THSD4: variants seen among roughly 807,000 people sequenced by gnomAD.
THSD4 encodes the protein thrombospondin type 1 domain containing 4.
A neutral mutation model predicts 119.0 loss-of-function variants in THSD4; 69 were observed. The observed-to-expected ratio is 0.58, with a 90% CI of 0.48 to 0.71. The LOEUF (loss-of-function observed/expected upper bound fraction) is 0.71. Ranked by LOEUF, THSD4 falls within the 30% of genes least tolerant of loss-of-function variation. THSD4 has a pLI of 0.00. For synonymous variants in THSD4, 524 were observed against 540.4 expected (o/e 0.97, Z 0.42); for missense variants, 1,393 against 1,391.1 (o/e 1.00, Z -0.02).
At chr15:71,628,319 CCTT>C (rs2140939366) in intron 7 of THSD4, among the ~76,000 whole-genome samples, 1 of 152,288 alleles carries the variant, frequency 6.6e-6, no homozygotes, top group South Asian at 2.1e-4. Context: ...TTACTTGAAA[CCTT>C]CTTAACTGGA....
rs535303933 is a variant in THSD4, at chr15:71,757,391, A to C, written c.2416-511A>C. On this transcript the variant is annotated intron_variant, in intron 14 of 17. Transcript: ENST00000261862. ...CAGGTAGAAATATGCCCAGGTTTTC[A>C]TGCACCCATTCTTCTTCAGCTGAAT... 1.4e-3 allele frequency among the ~76,000 whole-genome samples: 216 copies of C among 151,828 alleles called. 2 individuals are homozygous for C. Among genetic ancestry groups the C allele is most frequent in the African/African-American group, 4.8e-3 (198 of 41,288 alleles).
At chr15:71,723,379 A>G (rs972670392) in intron 8 of THSD4, among the ~76,000 whole-genome samples, 1 of 152,076 alleles carries the variant, frequency 6.6e-6, no homozygotes, top group African/African-American at 2.4e-5. Context: ...TGTGGCTTTG[A>G]TTTTCATTTC....
At chr15:71,193,807 A>G (rs1596261111) in intron 3 of THSD4, among the ~76,000 whole-genome samples, 1 of 152,138 alleles carries the variant, frequency 6.6e-6, no homozygotes, top group Non-Finnish European at 1.5e-5. Context: ...TCCCGGGTTC[A>G]CACCATTCTC....
chr15:71,339,980 G>A (rs1026963078), intron 6 of THSD4, among the ~76,000 whole-genome samples: 4 of 152,138 alleles, frequency 2.6e-5, no homozygotes, highest in African/African-American at 9.7e-5. Context: ...GTCCAGGCTG[G>A]TCTTGAACTC....
intron 7 of THSD4, among the ~76,000 whole-genome samples, chr15:71,482,579 C>CACGCCTGGCCTGTACT: frequency 6.6e-6 from 1 of 151,300 alleles, no homozygotes; most frequent in Middle Eastern, 3.5e-3. Flanking sequence ...CATGAGCCAC[C>CACGCCTGGCCTGTACT]GTGCCCAGCC....
chr15:71,751,758 C>A (rs907187847), intron 14 of THSD4, among the ~76,000 whole-genome samples: 11 of 152,106 alleles, frequency 7.2e-5, no homozygotes, highest in Non-Finnish European at 4.4e-5. Flanking sequence ...GCCTTGACCT[C>A]CTGGGCTCTA....
intron 7 of THSD4, among the ~76,000 whole-genome samples, chr15:71,524,901 C>T (rs1418861551): frequency 6.6e-6 from 1 of 151,176 alleles, no homozygotes; most frequent in Non-Finnish European, 1.5e-5. Context: ...CGTGAGCCAC[C>T]ATGCCCGGCC....
At chr15:71,602,890 A>G (rs2050040948) in intron 7 of THSD4, among the ~76,000 whole-genome samples, 1 of 152,234 alleles carries the variant, frequency 6.6e-6, no homozygotes, top group African/African-American at 2.4e-5. Context: ...TATATCTCAA[A>G]TAAGGAGGGG....
At chr15:71,388,481 G>A (rs914662709) in intron 6 of THSD4, among the ~76,000 whole-genome samples, 5 of 152,092 alleles carry the variant, frequency 3.3e-5, no homozygotes, top group Non-Finnish European at 7.4e-5. Flanking sequence ...TTACTGAAAG[G>A]TCTTCTGTTG....
intron 2 of THSD4, among the ~76,000 whole-genome samples, chr15:71,143,700 C>CTTTTTTTTTTTTTTTTTTTTT (rs546375502): frequency 9.9e-6 from 1 of 100,744 alleles, no homozygotes; most frequent in Non-Finnish European, 2.1e-5. Flanking sequence ...TTTTTTCTTT[C>CTTTTTTTTTTTTTTTTTTTTT]TTTTTTTTTT....
chr15:71,660,667 C>A lies in THSD4; in HGVS notation c.1290C>A (p.Val430=). The change falls in exon 8 of 18, where the codon GTC becomes GTA. Residue 430 remains valine (V), a synonymous_variant. Coordinates refer to ENST00000261862, the MANE Select transcript of THSD4 (RefSeq NM_024817.3). ...HALTSLGYHR[V]VEIPEGATKI... ...TCACCAGCCTGGGCTACCACCGCGT[C>A]GTGGAGATTCCCGAGGGAGCCACGA... 6.2e-7 allele frequency: 1 copy of A among 1,614,122 alleles called. No homozygotes were observed. The highest frequency in any genetic ancestry group is 8.5e-7 in the Non-Finnish European group (1 of 1,180,008).
chr15:71,753,494 G>A (rs2053485701), intron 14 of THSD4, among the ~76,000 whole-genome samples: 1 of 152,206 alleles, frequency 6.6e-6, no homozygotes. Flanking sequence ...GGGGCCAGTT[G>A]GGCCAAGTTT....
chr15:71,112,100 G>C (rs1469190542), upstream of THSD4: 1 of 1,612,698 alleles, frequency 6.2e-7, no homozygotes, highest in Admixed American at 1.7e-5. Context: ...CCAGAAGGTT[G>C]CTCTCAGCAG....
chr15:71,595,555 G>C (rs1328351917), intron 7 of THSD4, among the ~76,000 whole-genome samples: 1 of 152,112 alleles, frequency 6.6e-6, no homozygotes, highest in Non-Finnish European at 1.5e-5. Context: ...TTTGTTCCCA[G>C]TTTCAAATGT....
intron 8 of THSD4, among the ~76,000 whole-genome samples, chr15:71,716,456 C>A (rs528517411): frequency 6.6e-6 from 1 of 152,148 alleles, no homozygotes; most frequent in Non-Finnish European, 1.5e-5. Flanking sequence ...ACAGTGCAAT[C>A]GTGCTGTAGG....
chr15:71,182,291 T>G (rs1247598563), intron 3 of THSD4, among the ~76,000 whole-genome samples: 2 of 151,772 alleles, frequency 1.3e-5, no homozygotes, highest in African/African-American at 4.8e-5. Flanking sequence ...GTCATTCCAT[T>G]TATAGCAATA....
chr15:71,370,927 A>G (rs1457256871), intron 6 of THSD4, among the ~76,000 whole-genome samples: 3 of 152,236 alleles, frequency 2.0e-5, no homozygotes, highest in East Asian at 3.9e-4. Flanking sequence ...TCTCTTTGTA[A>G]GTCTCTAAGG....
chr15:71,690,332 A>G (rs2141049260), intron 8 of THSD4, among the ~76,000 whole-genome samples: 1 of 152,326 alleles, frequency 6.6e-6, no homozygotes, highest in Middle Eastern at 3.4e-3. Flanking sequence ...TCCTTGTGGC[A>G]TGCAGCTGCA....
At chr15:71,558,491 T>C (rs2049058155) in intron 7 of THSD4, among the ~76,000 whole-genome samples, 1 of 152,206 alleles carries the variant, frequency 6.6e-6, no homozygotes, top group Non-Finnish European at 1.5e-5. Flanking sequence ...AAGGTTTTTT[T>C]GTTTTGTTTT....
Sources: gnomAD v4.1 joint callset for allele counts (sites outside exome capture counted in the v4.1 genomes callset) on GRCh38, gnomAD v4.1.1 for gene constraint, MANE v1.5 for transcripts, NCBI Gene and HGNC (gene_info 2026-07-23, HGNC 2026-07-21) for gene names.